The following MBNL1 variants were observed in gnomAD, a reference collection of about 807,000 sequenced individuals.
MBNL1 encodes muscleblind like splicing regulator 1, also known as muscleblind-like protein 1.
MBNL1 carries 8 observed loss-of-function variants against 42.2 expected under a neutral mutation model. The ratio of observed to expected loss-of-function variants is 0.19; its 90% CI spans 0.11 to 0.34. The LOEUF (loss-of-function observed/expected upper bound fraction) is 0.34, where lower values mean the gene tolerates loss of function less well. Among genes scored for constraint, MBNL1 ranks in the 10% least tolerant of loss-of-function variants. The pLI, the probability that MBNL1 is intolerant of heterozygous loss-of-function variation, is 1.00. For synonymous variants in MBNL1, 169 were observed against 173.9 expected, an observed-to-expected ratio of 0.97 and a Z score of 0.22; for missense variants, 309 against 495.3, an observed-to-expected ratio of 0.62 and a Z score of 3.57.
chr3:152,452,148 A>G (rs893283535), intron 6 of MBNL1, among the ~76,000 whole-genome samples: 11 of 152,214 alleles, frequency 7.2e-5, no homozygotes, highest in African/African-American at 2.7e-4. Context: ...AAATTTCGAT[A>G]TATACTTGTT....
At chr3:152,418,072 G>A (rs539020572) in intron 3 of MBNL1, among the ~76,000 whole-genome samples, 2 of 152,244 alleles carry the variant, frequency 1.3e-5, no homozygotes, top group South Asian at 4.1e-4. Flanking sequence ...AATGTACCAA[G>A]CCAAGAATCA....
chr3:152,433,521 C>T (rs533939339), intron 4 of MBNL1, among the ~76,000 whole-genome samples: 9 of 152,076 alleles, frequency 5.9e-5, no homozygotes, highest in East Asian at 1.9e-4. Flanking sequence ...GAGGCCGAGG[C>T]GGGCGGATCA....
chr3:152,387,477 T>A (rs906438266), intron 2 of MBNL1, among the ~76,000 whole-genome samples: 3 of 152,070 alleles, frequency 2.0e-5, no homozygotes, highest in African/African-American at 7.2e-5. Flanking sequence ...ACTGTATATT[T>A]CCCCCTCTTC....
intron 2 of MBNL1, among the ~76,000 whole-genome samples, chr3:152,365,846 A>G (rs1017116725): frequency 1.3e-5 from 2 of 152,208 alleles, no homozygotes; most frequent in African/African-American, 4.8e-5. Flanking sequence ...ATATTTTATT[A>G]GCATAAAAGA....
intron 1 of MBNL1, among the ~76,000 whole-genome samples, chr3:152,275,223 G>A (rs1017147986): frequency 5.9e-5 from 9 of 152,128 alleles, no homozygotes; most frequent in African/African-American, 2.2e-4. Flanking sequence ...AGAGTTGGAG[G>A]ACATAGGGCT....
At chr3:152,400,993 A>G (rs2098193178) in intron 2 of MBNL1, among the ~76,000 whole-genome samples, 1 of 152,126 alleles carries the variant, frequency 6.6e-6, no homozygotes, top group Admixed American at 6.5e-5. Context: ...TTTAAAATAC[A>G]CTTATGCCTG....
chr3:152,361,252 C>G (rs114160180), intron 2 of MBNL1, among the ~76,000 whole-genome samples: 2,277 of 151,970 alleles, frequency 0.015, 52 homozygotes, highest in African/African-American at 0.052. Context: ...AGAATCTCAT[C>G]TCACATGAGA....
At chr3:152,381,944 C>T (rs1175256607) in intron 2 of MBNL1, among the ~76,000 whole-genome samples, 1 of 152,018 alleles carries the variant, frequency 6.6e-6, no homozygotes, top group African/African-American at 2.4e-5. Flanking sequence ...TATTAACCTG[C>T]TTCAGTGCAG....
At chr3:152,364,691 G>C (rs2096246242) in intron 2 of MBNL1, among the ~76,000 whole-genome samples, 1 of 151,888 alleles carries the variant, frequency 6.6e-6, no homozygotes, top group South Asian at 2.1e-4. Flanking sequence ...ACATGTTGTA[G>C]CTTCTCATAA....
chr3:152,313,324 A>G (rs1177484244), intron 2 of MBNL1, among the ~76,000 whole-genome samples: 1 of 152,146 alleles, frequency 6.6e-6, no homozygotes, highest in Non-Finnish European at 1.5e-5. Context: ...CGCCCGGCCA[A>G]CATTTTATTT....
Position 152,445,452 on chromosome 3 carries a change from T to C in MBNL1, c.720T>C (p.Pro240=). The C allele has an allele frequency of 1.2e-6, 2 of 1,613,856 alleles. No individual in the cohort carries two copies. The highest frequency in any genetic ancestry group is 2.2e-5 in the East Asian group (1 of 44,866). ...SREKCKYFHP[P]AHLQAKIKAA... Reference sequence around the variant, plus strand: ...AAAAGTGCAAATACTTTCATCCCCCTGCACATTTGCAAGCCAAGATCAAGG... The same window carrying C: ...AAAAGTGCAAATACTTTCATCCCCCCGCACATTTGCAAGCCAAGATCAAGG... The change falls in exon 5 of 10, where the codon CCT becomes CCC. Residue 240 remains proline, a synonymous_variant. Transcript: ENST00000324210.
At chr3:152,296,913 TAAA>T (rs995136727) in intron 1 of MBNL1, among the ~76,000 whole-genome samples, 1 of 152,188 alleles carries the variant, frequency 6.6e-6, no homozygotes, top group Non-Finnish European at 1.5e-5. Context: ...TTTCTGTCCT[TAAA>T]AACATATGGT....
intron 1 of MBNL1, among the ~76,000 whole-genome samples, chr3:152,281,555 CATACCTA>C (rs1040134790): frequency 6.6e-6 from 1 of 152,102 alleles, no homozygotes; most frequent in Non-Finnish European, 1.5e-5. Context: ...TAGTTCTACT[CATACCTA>C]ATACCCTCTG....
chr3:152,394,939 A>G (rs112736201), intron 2 of MBNL1, among the ~76,000 whole-genome samples: 2,425 of 152,218 alleles, frequency 0.016, 57 homozygotes, highest in African/African-American at 0.055. Flanking sequence ...GCTCACTGCA[A>G]TCTCCACCTC....
chr3:152,297,264 T>G (rs553366726), intron 1 of MBNL1, among the ~76,000 whole-genome samples: 5 of 151,574 alleles, frequency 3.3e-5, no homozygotes, highest in South Asian at 4.2e-4. Context: ...GTTTTTTTTT[T>G]TTTTTTTTTT....
Position 152,299,392 on chromosome 3 carries a change from C to CT in MBNL1, c.-789-7dup, listed in dbSNP as rs963550148. 7.5e-5 allele frequency: 21 copies of CT among 278,758 alleles called. No individual in the cohort carries two copies. The highest frequency in any genetic ancestry group is 1.8e-4 in the East Asian group (3 of 16,832). 17.3% of individuals were successfully genotyped at this position (278,758 alleles called of 1,614,324 possible). ...CTACTTAGTAAATCTTAACCTATCT[C>CT]TTTTTTCTACAGGTTGGTACTAAGA... On this transcript the variant is annotated splice_polypyrimidine_tract_variant and intron_variant, in intron 1 of 9. Transcript: ENST00000324210.
intron 2 of MBNL1, among the ~76,000 whole-genome samples, chr3:152,352,806 A>G (rs2095170883): frequency 6.6e-6 from 1 of 152,182 alleles, no homozygotes; most frequent in Non-Finnish European, 1.5e-5. Flanking sequence ...CCCTGCATGT[A>G]CTGTGGCTAA....
At chr3:152,407,209 C>CTTTTTTTTTTTTTTTTTTT (rs60509782) in intron 2 of MBNL1, among the ~76,000 whole-genome samples, 2 of 54,378 alleles carry the variant, frequency 3.7e-5, no homozygotes, top group African/African-American at 5.9e-5. Context: ...GAAATATGTT[C>CTTTTTTTTTTTTTTTTTTT]TTTTTTTTTT....
At chr3:152,275,061 AT>A (rs1291230497) in intron 1 of MBNL1, among the ~76,000 whole-genome samples, 4 of 152,176 alleles carry the variant, frequency 2.6e-5, no homozygotes, top group Non-Finnish European at 5.9e-5. Context: ...ATTTATCAGC[AT>A]TTGTTGATGA....
Sources: allele counts gnomAD v4.1 joint callset (sites outside exome capture counted in the v4.1 genomes callset), GRCh38; gene constraint gnomAD v4.1.1; transcripts MANE v1.5; gene names NCBI Gene and HGNC (gene_info 2026-07-23, HGNC 2026-07-21).